RELN: variants seen among roughly 807,000 people sequenced by gnomAD.
RELN encodes reelin.
RELN carries 108 observed loss-of-function variants against 427.6 expected under a neutral mutation model. That is an observed-to-expected ratio of 0.25 (90% CI 0.22 to 0.30). The LOEUF (loss-of-function observed/expected upper bound fraction) is 0.30, where lower values mean the gene tolerates loss of function less well. Ranked by LOEUF, RELN falls within the 10% of genes least tolerant of loss-of-function variation. The probability of loss-of-function intolerance (pLI) is 1.00; values close to 1 mark genes in which losing one functional copy is unlikely to be tolerated. For missense variants in RELN, 3,715 were observed against 4,302.8 expected (o/e 0.86, Z 3.82); for synonymous variants, 1,524 against 1,513.4 (o/e 1.01, Z -0.16).
At chr7:103,691,032 C>A (rs1456619861) in intron 10 of RELN, among the ~76,000 whole-genome samples, 1 of 152,010 alleles carries the variant, frequency 6.6e-6, no homozygotes, top group Non-Finnish European at 1.5e-5. Flanking sequence ...CTTTCCAACC[C>A]CAATTCAAAA....
intron 1 of RELN, 29 bp from the exon 2 acceptor site, chr7:103,917,214 C>G: frequency 6.8e-7 from 1 of 1,473,036 alleles, no homozygotes; most frequent in Non-Finnish European, 9.5e-7. Flanking sequence ...AAAAAAAACT[C>G]TCAATACAGT....
intron 52 of RELN, 45 bp downstream of exon 52, chr7:103,502,967 GTACC>G (rs1562856829): frequency 1.4e-6 from 2 of 1,467,352 alleles, no homozygotes; most frequent in South Asian, 2.3e-5. Flanking sequence ...ACCTAATGGT[GTACC>G]TTCTGGATGC....
At chr7:103,619,573 T>C (rs552936384) in intron 20 of RELN, among the ~76,000 whole-genome samples, 1 of 152,362 alleles carries the variant, frequency 6.6e-6, no homozygotes, top group African/African-American at 2.4e-5. Context: ...CAAAGATTTC[T>C]GTCAAGTTTA....
At chr7:103,660,212 C>T in intron 12 of RELN, among the ~76,000 whole-genome samples, 1 of 151,998 alleles carries the variant, frequency 6.6e-6, no homozygotes, top group African/African-American at 2.4e-5. Context: ...ATTAGGCTGG[C>T]ATACTAAATG....
intron 2 of RELN, among the ~76,000 whole-genome samples, chr7:103,872,064 A>G (rs1277999266): frequency 9.3e-6 from 1 of 108,024 alleles, no homozygotes; most frequent in Non-Finnish European, 2.1e-5. Flanking sequence ...TTTTTTATTT[A>G]TTTATTTTTT....
chr7:103,886,128 A>G (rs1794721777), intron 2 of RELN, among the ~76,000 whole-genome samples: 1 of 152,202 alleles, frequency 6.6e-6, no homozygotes, highest in Non-Finnish European at 1.5e-5. Flanking sequence ...GTGATAGATG[A>G]TGACTCCACT....
chr7:103,603,522 A>G lies in RELN; in HGVS notation c.3147-32T>C, dbSNP rs767296579. Reference sequence around the variant, plus strand: ...GAGAGCAGGGCTGAGTAGGCAGGTTACAGGCCCACCTGCCAATGCAATGGC... The same window carrying G: ...GAGAGCAGGGCTGAGTAGGCAGGTTGCAGGCCCACCTGCCAATGCAATGGC... On this transcript the variant is annotated intron_variant, in intron 23 of 64. Transcript: ENST00000428762. The surrounding 1 kb of genome is among the most constrained non-coding windows in gnomAD (Gnocchi z 4.3). The G allele has an allele frequency of 6.4e-7, 1 of 1,558,614 alleles. No homozygotes were observed. The highest frequency in any genetic ancestry group is 8.9e-7 in the Non-Finnish European group (1 of 1,129,912).
chr7:103,586,955 G>A (rs1831287663), intron 28 of RELN, among the ~76,000 whole-genome samples: 1 of 152,120 alleles, frequency 6.6e-6, no homozygotes, highest in Non-Finnish European at 1.5e-5. Context: ...TTACCACAAT[G>A]CCCAAAGCAA....
At chr7:103,958,132 G>A (rs1326194792) in intron 1 of RELN, among the ~76,000 whole-genome samples, 1 of 152,196 alleles carries the variant, frequency 6.6e-6, no homozygotes, top group Admixed American at 6.5e-5. Context: ...GCAGGATGGT[G>A]CACATGAAGT....
chr7:103,830,705 T>C (rs924781091), intron 3 of RELN, among the ~76,000 whole-genome samples: 6 of 152,056 alleles, frequency 3.9e-5, no homozygotes, highest in African/African-American at 1.4e-4. Flanking sequence ...AAATTTCAAA[T>C]GAATTCCTTC....
At chr7:103,508,540 A>G (rs942028413) in intron 51 of RELN, among the ~76,000 whole-genome samples, 1 of 152,222 alleles carries the variant, frequency 6.6e-6, no homozygotes. Flanking sequence ...CACAGCCAAT[A>G]TCATACTGAA....
intron 31 of RELN, among the ~76,000 whole-genome samples, chr7:103,568,649 T>C (rs1830815249): frequency 6.6e-6 from 1 of 152,226 alleles, no homozygotes; most frequent in Non-Finnish European, 1.5e-5. Flanking sequence ...GCTCAAGATA[T>C]GTCCTATGGG....
At chr7:103,878,937 A>G (rs1433135735) in intron 2 of RELN, among the ~76,000 whole-genome samples, 2 of 152,162 alleles carry the variant, frequency 1.3e-5, no homozygotes, top group African/African-American at 2.4e-5. Context: ...CAAACACTAG[A>G]CTTGGAGTGA....
intron 1 of RELN, among the ~76,000 whole-genome samples, chr7:103,930,660 T>G (rs1047736098): frequency 1.5e-4 from 23 of 152,058 alleles, no homozygotes; most frequent in African/African-American, 4.8e-4. Flanking sequence ...ATAGACAAGG[T>G]ATAGATATGT....
intron 4 of RELN, among the ~76,000 whole-genome samples, chr7:103,754,210 A>G (rs1191496220): frequency 1.3e-5 from 2 of 152,086 alleles, no homozygotes; most frequent in Non-Finnish European, 1.5e-5. Context: ...ATAGTTTTAA[A>G]TTGACCACAT....
intron 6 of RELN, among the ~76,000 whole-genome samples, chr7:103,733,097 AAAAC>A (rs1166219723): frequency 1.3e-5 from 2 of 152,130 alleles, no homozygotes; most frequent in Non-Finnish European, 2.9e-5. Context: ...TTACAAGAAA[AAAAC>A]AAACAACCCC....
intron 3 of RELN, among the ~76,000 whole-genome samples, chr7:103,785,039 G>C (rs915911877): frequency 1.3e-5 from 2 of 152,104 alleles, no homozygotes; most frequent in Non-Finnish European, 2.9e-5. Flanking sequence ...ATTGTTATAA[G>C]TAAGATTTAT....
intron 3 of RELN, among the ~76,000 whole-genome samples, chr7:103,791,852 G>GTA (rs541634391): frequency 1.9e-3 from 284 of 152,142 alleles, no homozygotes; most frequent in Non-Finnish European, 2.3e-3. Flanking sequence ...ATAGTATCCA[G>GTA]TATATATGAA....
intron 60 of RELN, among the ~76,000 whole-genome samples, chr7:103,489,203 G>GGTGTGTGTGTGT (rs3051647): frequency 0.024 from 3,535 of 147,842 alleles, 59 homozygotes; most frequent in African/African-American, 0.041. Flanking sequence ...GTCATAAAGG[G>GGTGTGTGTGTGT]GTGTGTGTGT....
Sources: gnomAD v4.1 joint callset for allele counts (sites outside exome capture counted in the v4.1 genomes callset) on GRCh38, gnomAD v4.1.1 for gene constraint, Gnocchi (gnomAD v3.1) non-coding constraint, MANE v1.5 for transcripts, NCBI Gene and HGNC (gene_info 2026-07-23, HGNC 2026-07-21) for gene names.